The following ARHGAP42 variants were observed in gnomAD, a reference collection of about 807,000 sequenced individuals.
ARHGAP42 encodes the protein rho GTPase-activating protein 42.
A neutral mutation model predicts 125.0 loss-of-function variants in ARHGAP42; 63 were observed. That is an observed-to-expected ratio of 0.50 (90% CI 0.41 to 0.62). The LOEUF (loss-of-function observed/expected upper bound fraction) is 0.62. Among genes scored for constraint, ARHGAP42 ranks in the 20% least tolerant of loss-of-function variants. The pLI is 0.00. For synonymous variants in ARHGAP42, 339 were observed against 351.0 expected (o/e 0.97, Z 0.38); for missense variants, 766 against 1,024.2 (o/e 0.75, Z 3.44).
rs1862910346 is a variant in ARHGAP42, at chr11:100,769,140, A to G, written c.155-1203A>G. The stretch of plus-strand genomic sequence containing the variant: ...TATACACACATAGAAGAGGTACAGT[A>G]AAGATACAGTATAAAAGATTTTTAA... On this transcript the variant is annotated intron_variant, in intron 1 of 23. Transcript: ENST00000298815. Among the ~76,000 whole-genome samples the G allele has an allele frequency of 2.6e-5, 4 of 152,340 alleles. No individual in the cohort carries two copies. In the South Asian group the frequency reaches 6.2e-4, roughly 24 times the overall value.
At chr11:100,741,133 C>T (rs541691346) in intron 1 of ARHGAP42, among the ~76,000 whole-genome samples, 3 of 152,144 alleles carry the variant, frequency 2.0e-5, no homozygotes, top group Admixed American at 1.3e-4. Flanking sequence ...TGGGTTCAAG[C>T]GATTCTCCTG....
At chr11:100,894,493 G>C (rs1450102663) in intron 4 of ARHGAP42, among the ~76,000 whole-genome samples, 1 of 152,188 alleles carries the variant, frequency 6.6e-6, no homozygotes, top group African/African-American at 2.4e-5. Flanking sequence ...AAAAGAAAAG[G>C]TATATTTTTG....
chr11:100,752,388 C>T (rs1862481008), intron 1 of ARHGAP42, among the ~76,000 whole-genome samples: 1 of 152,196 alleles, frequency 6.6e-6, no homozygotes, highest in South Asian at 2.1e-4. Flanking sequence ...CCCAGCGCTG[C>T]AACTGTGCCA....
chr11:100,734,373 G>A (rs1017694702), intron 1 of ARHGAP42, among the ~76,000 whole-genome samples: 1 of 151,864 alleles, frequency 6.6e-6, no homozygotes, highest in East Asian at 1.9e-4. Flanking sequence ...TCTGCCTCCC[G>A]GGTTCAAGCG....
chr11:100,793,338 G>T (rs781726768), intron 2 of ARHGAP42, among the ~76,000 whole-genome samples: 1 of 152,118 alleles, frequency 6.6e-6, no homozygotes, highest in Non-Finnish European at 1.5e-5. Context: ...TCAACTAACT[G>T]TTGTCAAAAT....
chr11:100,899,562 C>A (rs914198175), intron 4 of ARHGAP42, among the ~76,000 whole-genome samples: 11 of 152,078 alleles, frequency 7.2e-5, no homozygotes, highest in African/African-American at 2.7e-4. Flanking sequence ...ATAGTTAACT[C>A]TTCTTGTTGA....
intron 4 of ARHGAP42, among the ~76,000 whole-genome samples, chr11:100,866,926 T>C (rs982153911): frequency 1.3e-5 from 2 of 152,192 alleles, no homozygotes; most frequent in Admixed American, 1.3e-4. Context: ...TTAGCAGGCA[T>C]GAGAGAACAT....
intron 4 of ARHGAP42, among the ~76,000 whole-genome samples, chr11:100,905,629 T>C (rs1866709534): frequency 6.6e-6 from 1 of 152,194 alleles, no homozygotes. Flanking sequence ...AGTAATTGCC[T>C]TACTTTCAAA....
At chr11:100,971,029 G>C (rs1214589205) in intron 17 of ARHGAP42, among the ~76,000 whole-genome samples, 1 of 152,078 alleles carries the variant, frequency 6.6e-6, no homozygotes, top group African/African-American at 2.4e-5. Context: ...AGGGAGCCCT[G>C]TCTTCTTGGC....
chr11:100,973,765 A>G (rs1267100990), intron 18 of ARHGAP42, among the ~76,000 whole-genome samples: 1 of 152,200 alleles, frequency 6.6e-6, no homozygotes, highest in African/African-American at 2.4e-5. Context: ...GAAAAAAGTG[A>G]GATCTTAGAA....
At chr11:100,928,632 A>ATT (rs1867492231) in intron 6 of ARHGAP42, among the ~76,000 whole-genome samples, 1 of 152,184 alleles carries the variant, frequency 6.6e-6, no homozygotes, top group African/African-American at 2.4e-5. Context: ...CATACCATAC[A>ATT]GACAACTCAT....
chr11:100,701,227 G>T (rs1159021366), intron 1 of ARHGAP42, among the ~76,000 whole-genome samples: 1 of 151,688 alleles, frequency 6.6e-6, no homozygotes, highest in African/African-American at 2.4e-5. Context: ...TGTCATTCAG[G>T]CTTTGTTCCA....
At chr11:100,768,641 C>G (rs1862891842) in intron 1 of ARHGAP42, among the ~76,000 whole-genome samples, 1 of 152,098 alleles carries the variant, frequency 6.6e-6, no homozygotes, top group South Asian at 2.1e-4. Flanking sequence ...ATTCTATTTT[C>G]TTATTGATGT....
Position 100,992,260 on chromosome 11 carries a change from G to C in ARHGAP42, c.*3459G>C. The C allele has an allele frequency of 2.0e-6, 3 of 1,537,312 alleles. No individual in the cohort carries two copies. Among genetic ancestry groups the C allele is most frequent in the Non-Finnish European group, 2.6e-6 (3 of 1,146,670 alleles). ...CAGAGGCAGACCAATTTAGGGAACA[G>C]ATTTTGTTCTTTGCTTTTATGATAC... On this transcript the variant is annotated 3_prime_UTR_variant, in exon 24 of 24. Transcript: ENST00000298815.
chr11:100,692,013 G>T (rs563631757), intron 1 of ARHGAP42, among the ~76,000 whole-genome samples: 4 of 151,872 alleles, frequency 2.6e-5, no homozygotes, highest in South Asian at 2.1e-4. Context: ...AATAAAAAAA[G>T]AAATAAATAG....
Position 100,973,161 on chromosome 11 carries a change from C to T in ARHGAP42, c.1551-14C>T, listed in dbSNP as rs1477778694. On this transcript the variant is annotated splice_polypyrimidine_tract_variant and intron_variant, in intron 17 of 23. Transcript: ENST00000298815. Reference sequence around the variant, plus strand: ...CATATAACTTAAGATATTTTTGTTGCTTTTTATTTGCAGAGTATCACTACA... The same window carrying T: ...CATATAACTTAAGATATTTTTGTTGTTTTTTATTTGCAGAGTATCACTACA... 1.3e-6 allele frequency: 2 copies of T among 1,492,362 alleles called. No individual in the cohort carries two copies. The highest frequency in any genetic ancestry group is 8.9e-7 in the Non-Finnish European group (1 of 1,118,116). 92.4% of individuals were successfully genotyped at this position (1,492,362 alleles called of 1,614,324 possible).
In ARHGAP42 at chr11:100,949,855, T is replaced by G. The variant is rs879006507; in HGVS notation, c.1123-62T>G. 1.1e-5 allele frequency: 12 copies of G among 1,122,646 alleles called. 1 individual carries two copies. In the South Asian group the frequency reaches 1.6e-4, roughly 15 times the overall value. 69.5% of individuals were successfully genotyped at this position (1,122,646 alleles called of 1,614,324 possible). A position where few individuals can be genotyped will look rare whatever the true frequency, so the allele number is the denominator to read the frequency against. On this transcript the variant is annotated intron_variant, in intron 11 of 23. Transcript: ENST00000298815. ...ATCTATTAGTGTACAGATATCACCT[T>G]GCTAATCTTTTGTGCTGGGTCATTA... is the stretch of plus-strand genomic sequence containing the variant.
chr11:100,808,019 G>C (rs1371357691), intron 3 of ARHGAP42, among the ~76,000 whole-genome samples: 1 of 151,762 alleles, frequency 6.6e-6, no homozygotes, highest in Non-Finnish European at 1.5e-5. Context: ...GTGTGTAACT[G>C]TCCCTTAAAA....
chr11:100,746,962 C>T (rs964364087), intron 1 of ARHGAP42, among the ~76,000 whole-genome samples: 2 of 152,054 alleles, frequency 1.3e-5, no homozygotes, highest in East Asian at 1.9e-4. Flanking sequence ...CATCCCTTTC[C>T]GCCATACTAG....
Sources: allele counts gnomAD v4.1 joint callset (sites outside exome capture counted in the v4.1 genomes callset), GRCh38; gene constraint gnomAD v4.1.1; transcripts MANE v1.5; gene names NCBI Gene and HGNC (gene_info 2026-07-23, HGNC 2026-07-21).